SLC41A3: variants seen among roughly 807,000 people sequenced by gnomAD.
SLC41A3 encodes the protein solute carrier family 41 member 3.
SLC41A3 carries 44 observed loss-of-function variants against 45.4 expected under a neutral mutation model. That is an observed-to-expected ratio of 0.97 (90% confidence interval 0.76 to 1.25). The LOEUF (loss-of-function observed/expected upper bound fraction) is 1.25, where lower values mean the gene tolerates loss of function less well. Ranked by LOEUF, SLC41A3 falls within the 50% of genes most tolerant of loss-of-function variation. The probability of loss-of-function intolerance (pLI) is 0.00; values close to 1 mark genes in which losing one functional copy is unlikely to be tolerated. For synonymous variants in SLC41A3, 256 were observed against 252.4 expected, an observed-to-expected ratio of 1.01 and a Z score of -0.13; for missense variants, 550 against 600.6, an observed-to-expected ratio of 0.92 and a Z score of 0.88.
At position 126,029,221 on chromosome 3, in the gene SLC41A3, T is replaced by C. The variant is rs149768446; in HGVS notation, c.454-2742A>G. On this transcript the variant is annotated intron_variant, in intron 4 of 10. Transcript: ENST00000360370. ...ATTTGTTTCCCCACCAAATCTCATGTCAAATTATAATCCCCAATGTTGGAG... is the reference window on the plus strand; with the variant it reads ...ATTTGTTTCCCCACCAAATCTCATGCCAAATTATAATCCCCAATGTTGGAG... Among the ~76,000 whole-genome samples the C allele has an allele frequency of 1.6e-4, 25 of 152,338 alleles. No individual in the cohort carries two copies. In the East Asian group the frequency reaches 4.8e-3, roughly 29 times the overall value.
chr3:126,028,991 T>C (rs903040166), intron 4 of SLC41A3, among the ~76,000 whole-genome samples: 1 of 152,242 alleles, frequency 6.6e-6, no homozygotes. Flanking sequence ...TCCCCCACTG[T>C]ATCTTGAAAG....
At chr3:126,072,879 C>T (rs1944692487) in intron 1 of SLC41A3, among the ~76,000 whole-genome samples, 1 of 152,150 alleles carries the variant, frequency 6.6e-6, no homozygotes, top group Non-Finnish European at 1.5e-5. Flanking sequence ...TAATGCCTGT[C>T]AACAGAAGAC....
chr3:126,007,990 C>T (rs141826790), intron 10 of SLC41A3, among the ~76,000 whole-genome samples: 325 of 152,338 alleles, frequency 2.1e-3, no homozygotes, highest in African/African-American at 7.6e-3. Flanking sequence ...TACTGCTGTC[C>T]AGCCCTGATC....
chr3:126,016,411 G>A lies in SLC41A3; in HGVS notation c.890+320C>T, dbSNP rs1337297188. ...GGGCCAGCAAAGCTCTAGTGGCAAT[G>A]GCCTGAAAGCCGCTGTCTCCCTTGG... is the stretch of plus-strand genomic sequence containing the variant. On this transcript the variant is annotated intron_variant, in intron 7 of 10. Coordinates refer to ENST00000360370, the MANE Select transcript of SLC41A3 (RefSeq NM_017836.4). 1.3e-5 allele frequency among the ~76,000 whole-genome samples: 2 copies of A among 152,238 alleles called. 1 individual carries two copies. The highest frequency in any genetic ancestry group is 2.9e-5 in the Non-Finnish European group (2 of 68,042).
At chr3:126,012,791 A>G in intron 8 of SLC41A3, 42 bp from the exon 9 acceptor site, 1 of 1,610,382 alleles carries the variant, frequency 6.2e-7, no homozygotes, top group Non-Finnish European at 8.5e-7. Context: ...TCTTTACGCC[A>G]GTCTCTAAGT....
intron 8 of SLC41A3, among the ~76,000 whole-genome samples, chr3:126,013,286 A>G (rs1939911546): frequency 6.6e-6 from 1 of 151,888 alleles, no homozygotes; most frequent in Non-Finnish European, 1.5e-5. Context: ...GGGGCCAGGC[A>G]TGGTGGCTCA....
chr3:126,042,961 G>A (rs2107825840), intron 3 of SLC41A3, among the ~76,000 whole-genome samples: 1 of 151,548 alleles, frequency 6.6e-6, no homozygotes, highest in South Asian at 2.1e-4. Flanking sequence ...AAAGAGATAA[G>A]TGGGCAGAGA....
intron 1 of SLC41A3, 101 bp from the exon 2 acceptor site, chr3:126,068,347 TC>T: frequency 8.7e-7 from 1 of 1,150,592 alleles, no homozygotes; most frequent in Non-Finnish European, 1.2e-6. Context: ...GCCGGCATGG[TC>T]CCATCCAACC....
At chr3:126,088,681 G>T (rs1237457206), upstream of SLC41A3, among the ~76,000 whole-genome samples, 1 of 152,168 alleles carries the variant, frequency 6.6e-6, no homozygotes, top group Non-Finnish European at 1.5e-5. Flanking sequence ...CAAAAAGATA[G>T]TCAATGTGGG....
intron 8 of SLC41A3, among the ~76,000 whole-genome samples, chr3:126,015,009 G>A (rs2047805): frequency 1 from 151,884 of 152,334 alleles, 75,730 homozygotes; most frequent in Middle Eastern, 1. Context: ...CAGTGCCCAG[G>A]GTAGAGACCC....
chr3:126,067,541 A>C (rs1261593227), intron 2 of SLC41A3: 1 of 437,848 alleles, frequency 2.3e-6, no homozygotes. Flanking sequence ...CCACAGGAGA[A>C]ACCAATGCTG....
upstream of SLC41A3, among the ~76,000 whole-genome samples, chr3:126,086,088 TC>T (rs747520203): frequency 1.2e-3 from 184 of 152,008 alleles, no homozygotes; most frequent in Non-Finnish European, 2.0e-3. Flanking sequence ...ACAGCTCAGT[TC>T]CTACTTCTAA....
Position 126,052,419 on chromosome 3 carries a change from AC to A in SLC41A3, c.274-1370del, listed in dbSNP as rs562593226. 3.8e-3 allele frequency among the ~76,000 whole-genome samples: 585 copies of A among 152,042 alleles called. 3 individuals carry two copies. Among genetic ancestry groups the A allele is most frequent in the Non-Finnish European group, 4.4e-3 (296 of 67,976 alleles). ...GCTCATGGGCACTCTCTCTGTCTAT[AC>A]CCAAGACCCGGCACCTACCAACCCC... On this transcript the variant is annotated intron_variant, in intron 2 of 10. Coordinates refer to ENST00000360370, the MANE Select transcript of SLC41A3 (RefSeq NM_017836.4).
At chr3:126,086,467 G>A (rs1211013902), upstream of SLC41A3, among the ~76,000 whole-genome samples, 3 of 83,862 alleles carry the variant, frequency 3.6e-5, no homozygotes, top group African/African-American at 1.3e-4. Context: ...TTTATCTCAT[G>A]GCTAAAGTTC....
chr3:126,079,978 G>C (rs2108086419), intron 1 of SLC41A3, among the ~76,000 whole-genome samples: 1 of 152,256 alleles, frequency 6.6e-6, no homozygotes, highest in Middle Eastern at 3.4e-3. Context: ...GGAAAGGACA[G>C]TCTCCTCAAT....
chr3:126,054,596 G>A (rs529003834), intron 2 of SLC41A3, among the ~76,000 whole-genome samples: 3 of 151,794 alleles, frequency 2.0e-5, no homozygotes, highest in South Asian at 2.1e-4. Context: ...CTGTATCTTT[G>A]CACACAAATC....
rs533263401 is a variant in SLC41A3, at chr3:126,048,592, T to C, written c.381+2351A>G. Among the ~76,000 whole-genome samples, 7 of 152,358 alleles carry C rather than the reference T, an allele frequency of 4.6e-5. No homozygotes were observed. In the East Asian group the frequency reaches 1.3e-3, roughly 29 times the overall value. On this transcript the variant is annotated intron_variant, in intron 3 of 10. Transcript: ENST00000360370. ...CAATATTTAAGACTCTTACTTTCTT[T>C]TCCTAGTTTATTATACTAGCCAGAA... is the stretch of plus-strand genomic sequence containing the variant.
intron 8 of SLC41A3, among the ~76,000 whole-genome samples, chr3:126,013,553 A>T (rs1331644749): frequency 7.5e-6 from 1 of 132,836 alleles, no homozygotes; most frequent in African/African-American, 3.0e-5. Context: ...ACAGAGTAAG[A>T]CTCTGTCTCA....
chr3:126,043,454 T>C (rs751407698), intron 3 of SLC41A3, among the ~76,000 whole-genome samples: 85 of 151,944 alleles, frequency 5.6e-4, no homozygotes, highest in Admixed American at 1.2e-3. Flanking sequence ...CAAATGAAAA[T>C]ATAATATTCT....
Sources: gnomAD v4.1 joint callset for allele counts (sites outside exome capture counted in the v4.1 genomes callset) on GRCh38, gnomAD v4.1.1 for gene constraint, MANE v1.5 for transcripts, NCBI Gene and HGNC (gene_info 2026-07-23, HGNC 2026-07-21) for gene names.